The following HTT variants were observed in gnomAD, a reference collection of about 807,000 sequenced individuals.
The protein encoded by HTT is huntington disease protein.
A neutral mutation model predicts 362.3 loss-of-function variants in HTT; 104 were observed. The observed-to-expected ratio is 0.29, with a 90% confidence interval of 0.24 to 0.34. HTT has a LOEUF of 0.34. Ranked by LOEUF, HTT falls within the 10% of genes least tolerant of loss-of-function variation. The pLI is 1.00. For missense variants in HTT, 3,301 were observed against 3,928.6 expected (o/e 0.84, Z 4.27); for synonymous variants, 1,577 against 1,548.7 (o/e 1.02, Z -0.43).
At chr4:3,174,635 G>C (rs368323576) in intron 31 of HTT, 86 bp from the exon 32 acceptor site, 1 of 1,009,948 alleles carries the variant, frequency 9.9e-7, no homozygotes, top group Non-Finnish European at 1.5e-6. Flanking sequence ...ATGTGAAATT[G>C]GTTTGAGCAG....
chr4:3,120,063 C>G (rs1715221749), intron 8 of HTT, among the ~76,000 whole-genome samples: 1 of 151,984 alleles, frequency 6.6e-6, no homozygotes, highest in Admixed American at 6.5e-5. Flanking sequence ...GTTTGCTGAC[C>G]TGGGATTCAG....
At chr4:3,077,010 T>C (rs908688620) in intron 1 of HTT, among the ~76,000 whole-genome samples, 6 of 151,990 alleles carry the variant, frequency 3.9e-5, no homozygotes, top group African/African-American at 1.5e-4. Context: ...AAACCCTGTC[T>C]CTACTAAAAA....
At chr4:3,208,496 G>T (rs1474929535) in intron 45 of HTT, among the ~76,000 whole-genome samples, 1 of 152,168 alleles carries the variant, frequency 6.6e-6, no homozygotes, top group Non-Finnish European at 1.5e-5. Flanking sequence ...CAGTGTTTGA[G>T]TATAAATGAA....
In HTT at chr4:3,242,077, G is replaced by A. The variant is rs115335747; in HGVS notation, c.*2018G>A. ...TCCCCACCCGCCTCCCGCCTCCCCC[G>A]CAGGTTATGTCAGCAGCTCTGAGAC... On this transcript the variant is annotated 3_prime_UTR_variant, in exon 67 of 67. Coordinates refer to ENST00000355072, the MANE Select transcript of HTT (RefSeq NM_001388492.1). 0.028 allele frequency: 4,196 copies of A among 150,396 alleles called. 82 individuals are homozygous for A. Among genetic ancestry groups the A allele is most frequent in the Non-Finnish European group, 0.045 (3,052 of 67,526 alleles). The allele number at this position is 150,396 out of a possible 1,614,324, so 9.3% of individuals were successfully genotyped here. A position where few individuals can be genotyped will look rare whatever the true frequency, so the allele number is the denominator to read the frequency against.
rs1716497129 is a variant in HTT at position 3,144,378 on chromosome 4, C to A, written c.3067-774C>A. Among the ~76,000 whole-genome samples, 3 of 152,122 alleles carry A rather than the reference C, an allele frequency of 2.0e-5. No individual in the cohort carries two copies. In the South Asian group the frequency reaches 6.2e-4, roughly 31 times the overall value. On this transcript the variant is annotated intron_variant, in intron 23 of 66. Coordinates refer to ENST00000355072, the MANE Select transcript of HTT (RefSeq NM_001388492.1). ...TGTTGCCCAGGCTAGAGCACAGTGG[C>A]ATGATCTTGGCTCACTGCAGCCTCC...
chr4:3,220,538 C>T (rs980906065), intron 53 of HTT, among the ~76,000 whole-genome samples: 2 of 152,282 alleles, frequency 1.3e-5, no homozygotes, highest in African/African-American at 2.4e-5. Context: ...TTGTGTATTC[C>T]GGGCTTGTTT....
rs756076211 is a variant in HTT at position 3,206,952 on chromosome 4, G to A, written c.6044G>A (p.Arg2015Gln). 7.4e-6 allele frequency: 12 copies of A among 1,611,914 alleles called. No individual in the cohort carries two copies. Among genetic ancestry groups the A allele is most frequent in the Admixed American group, 3.4e-5 (2 of 59,398 alleles). The change falls in exon 44 of 67, where the codon CGG becomes CAG. Residue 2015 changes from arginine to glutamine, a missense_variant. Around this residue, in one of 4 missense-constraint regions of HTT, gnomAD observed 2,316 missense variants for 2,658.5 expected, o/e 0.87. Transcript: ENST00000355072. The surrounding 1 kb of genome is among the most constrained non-coding windows in gnomAD (Gnocchi z 4.6). Reference sequence around the variant, plus strand: ...ATGGTCGACATCCTTGCTTGTCGCCGGGTAGAAATGCTTCTGGCTGCAAAT... The same window carrying A: ...ATGGTCGACATCCTTGCTTGTCGCCAGGTAGAAATGCTTCTGGCTGCAAAT... ...ARMVDILACRRVEMLLAANLQ... is the reference protein window; with the variant it reads ...ARMVDILACRQVEMLLAANLQ...
In HTT at chr4:3,211,950, G is replaced by A; in HGVS notation, c.6436G>A (p.Ala2146Thr). ...MNSEFNLSLL[A>T]PCLSLGMSEI... ...TCAGGAGTTCAACCTAAGCCTGCTAGCTCCATGCTTAAGCCTAGGGATGAG... is the reference window on the plus strand; with the variant it reads ...TCAGGAGTTCAACCTAAGCCTGCTAACTCCATGCTTAAGCCTAGGGATGAG... Residue 2146 changes from alanine (A) to threonine (T), a missense_variant, in exon 48 of 67, where the codon GCT (alanine) becomes ACT (threonine). Around this residue, in one of 4 missense-constraint regions of HTT, gnomAD observed 2,316 missense variants for 2,658.5 expected, o/e 0.87. Coordinates refer to ENST00000355072, the MANE Select transcript of HTT (RefSeq NM_001388492.1). 6.2e-7 allele frequency: 1 copy of A among 1,614,020 alleles called. No homozygotes were observed. Among genetic ancestry groups the A allele is most frequent in the South Asian group, 1.1e-5 (1 of 91,084 alleles).
intron 2 of HTT, among the ~76,000 whole-genome samples, chr4:3,097,060 A>G (rs1381972711): frequency 6.6e-6 from 1 of 152,218 alleles, no homozygotes; most frequent in Non-Finnish European, 1.5e-5. Context: ...TTGAGGCTGC[A>G]GTGAACTGTG....
intron 42 of HTT, 143 bp downstream of exon 42, chr4:3,204,291 A>G (rs1413515171): frequency 1.3e-6 from 1 of 747,574 alleles, no homozygotes; most frequent in Non-Finnish European, 2.2e-6. Flanking sequence ...TCTAGAATGA[A>G]TGTTTACTTC....
Position 3,131,275 on chromosome 4 carries a change from C to G in HTT, c.1987-11C>G. The G allele has an allele frequency of 6.3e-7, 1 of 1,589,060 alleles. No individual in the cohort carries two copies. Among genetic ancestry groups the G allele is most frequent in the Non-Finnish European group, 8.6e-7 (1 of 1,157,106 alleles). On this transcript the variant is annotated splice_polypyrimidine_tract_variant and intron_variant, in intron 14 of 66. Coordinates refer to ENST00000355072, the MANE Select transcript of HTT (RefSeq NM_001388492.1). ...GTATGAGACAAACAAGTGTCATTGT[C>G]TCCTTTCTAGCCTTGCCGCATCAAA...
At chr4:3,153,223 C>T (rs969917298) in intron 26 of HTT, among the ~76,000 whole-genome samples, 1 of 152,082 alleles carries the variant, frequency 6.6e-6, no homozygotes, top group Non-Finnish European at 1.5e-5. Context: ...ATGCTAATCT[C>T]ATTCATGAGG....
At position 3,241,271 on chromosome 4, in the gene HTT, A is replaced by T. The variant is rs916021080; in HGVS notation, c.*1212A>T. 2.6e-5 allele frequency: 4 copies of T among 152,392 alleles called. No individual in the cohort carries two copies. Among genetic ancestry groups the T allele is most frequent in the African/African-American group, 4.8e-5 (2 of 41,444 alleles). The allele number at this position is 152,392 out of a possible 1,614,324, so 9.4% of individuals were successfully genotyped here. On this transcript the variant is annotated 3_prime_UTR_variant, in exon 67 of 67. Coordinates refer to ENST00000355072, the MANE Select transcript of HTT (RefSeq NM_001388492.1). ...CCCTTCTGCCCCCGTTCCAGCTGAC[A>T]TCTTGCACGGTGACCCCTTTTAGTC...
intron 33 of HTT, among the ~76,000 whole-genome samples, chr4:3,175,861 A>C (rs1371598789): frequency 6.6e-6 from 1 of 152,166 alleles, no homozygotes; most frequent in Non-Finnish European, 1.5e-5. Flanking sequence ...GAAATATTAC[A>C]CTTCTCTATT....
At position 3,129,560 on chromosome 4, in the gene HTT, A is replaced by C. The variant is rs546432731; in HGVS notation, c.1744-364A>C. 3.9e-5 allele frequency: 8 copies of C among 204,520 alleles called. 1 individual carries two copies. Among genetic ancestry groups the C allele is most frequent in the South Asian group, 3.8e-4 (5 of 13,258 alleles). 12.7% of individuals were successfully genotyped at this position (204,520 alleles called of 1,614,324 possible). ...TGCAATTTAGGAGATAACCTGTTAT[A>C]TTGTTAGGTTTTTGTCGAAAAGCTT... On this transcript the variant is annotated intron_variant, in intron 12 of 66. Transcript: ENST00000355072.
At chr4:3,117,077 T>C (rs1355525830) in intron 8 of HTT, among the ~76,000 whole-genome samples, 1 of 152,220 alleles carries the variant, frequency 6.6e-6, no homozygotes, top group African/African-American at 2.4e-5. Flanking sequence ...CTTAGAATGC[T>C]TCCTGGCACA....
intron 2 of HTT, among the ~76,000 whole-genome samples, chr4:3,097,167 A>G (rs1054654081): frequency 2.0e-5 from 3 of 152,250 alleles, no homozygotes; most frequent in African/African-American, 7.2e-5. Flanking sequence ...AGATAGGAGC[A>G]GAAGTCAGTA....
Position 3,238,992 on chromosome 4 carries a change from G to A in HTT, c.9215+14G>A. 1 of 1,596,122 alleles carries A rather than the reference G, an allele frequency of 6.3e-7. No homozygotes were observed. The highest frequency in any genetic ancestry group is 1.1e-5 in the South Asian group (1 of 88,872). On this transcript the variant is annotated intron_variant, in intron 66 of 66. Coordinates refer to ENST00000355072, the MANE Select transcript of HTT (RefSeq NM_001388492.1). ...GGTCGCGGCGATGTATCCTCTCTGG[G>A]TCCCTGGTGCTGGCCCCGTTTCCCT...
intron 31 of HTT, 67 bp from the exon 32 acceptor site, chr4:3,174,654 C>T (rs1718148834): frequency 1.6e-6 from 2 of 1,270,952 alleles, no homozygotes; most frequent in Admixed American, 1.7e-5. Context: ...AGGAGTATAT[C>T]TGAGTGCAGA....
Sources: allele counts gnomAD v4.1 joint callset (sites outside exome capture counted in the v4.1 genomes callset), GRCh38; gene constraint gnomAD v4.1.1; regional missense constraint gnomAD v4.1.1; non-coding constraint Gnocchi (gnomAD v3.1); transcripts MANE v1.5; gene names NCBI Gene and HGNC (gene_info 2026-07-23, HGNC 2026-07-21).